Variants in MAPK10 observed in about 807,000 individuals in gnomAD.
The protein encoded by MAPK10 is JNK3 alpha protein kinase.
A neutral mutation model predicts 59.3 loss-of-function variants in MAPK10; 25 were observed. That is an observed-to-expected ratio of 0.42 (90% CI 0.31 to 0.59). MAPK10 has a LOEUF of 0.59. Among genes scored for constraint, MAPK10 ranks in the 20% least tolerant of loss-of-function variants. The pLI, the probability that MAPK10 is intolerant of heterozygous loss-of-function variation, is 0.15. For synonymous variants in MAPK10, 190 were observed against 200.5 expected, an observed-to-expected ratio of 0.95 and a Z score of 0.44; for missense variants, 351 against 568.9, an observed-to-expected ratio of 0.62 and a Z score of 3.90.
intron 2 of MAPK10, among the ~76,000 whole-genome samples, chr4:86,350,281 C>A (rs1231078014): frequency 6.6e-6 from 1 of 151,608 alleles, no homozygotes; most frequent in South Asian, 2.1e-4. Context: ...GTGGCACGAT[C>A]GCGGCTCACT....
chr4:86,068,849 G>C (rs1421529664), intron 9 of MAPK10, among the ~76,000 whole-genome samples: 1 of 152,058 alleles, frequency 6.6e-6, no homozygotes, highest in Non-Finnish European at 1.5e-5. Flanking sequence ...CCTTGATAAT[G>C]ATAAACACCA....
chr4:86,280,364 C>T (rs2094750903), intron 2 of MAPK10, among the ~76,000 whole-genome samples: 2 of 152,164 alleles, frequency 1.3e-5, no homozygotes, highest in African/African-American at 4.8e-5. Context: ...CTCCACATCA[C>T]TAATCATCAG....
At chr4:86,581,899 TTATATATATATA>T (rs67303972) in intron 1 of MAPK10, among the ~76,000 whole-genome samples, 5,973 of 91,376 alleles carry the variant, frequency 0.065, 288 homozygotes, top group African/African-American at 0.1. Context: ...GCTATATATA[TTATATATATATA>T]TATATATATA....
chr4:86,240,534 G>C (rs2092647549), intron 2 of MAPK10, among the ~76,000 whole-genome samples: 1 of 152,116 alleles, frequency 6.6e-6, no homozygotes, highest in Non-Finnish European at 1.5e-5. Context: ...CCTGTATTGG[G>C]TGCATACATA....
intron 2 of MAPK10, among the ~76,000 whole-genome samples, chr4:86,267,307 C>T (rs188430006): frequency 9.2e-5 from 14 of 152,218 alleles, no homozygotes; most frequent in South Asian, 4.1e-4. Flanking sequence ...TCAAAAGCCA[C>T]GTAAATGTAA....
At chr4:86,410,658 C>T (rs1321379771) in intron 1 of MAPK10, among the ~76,000 whole-genome samples, 1 of 152,108 alleles carries the variant, frequency 6.6e-6, no homozygotes, top group Non-Finnish European at 1.5e-5. Context: ...GGAATTTATC[C>T]ATTTCTTCTA....
At chr4:86,427,031 G>A (rs1284407260) in intron 1 of MAPK10, among the ~76,000 whole-genome samples, 1 of 151,934 alleles carries the variant, frequency 6.6e-6, no homozygotes, top group African/African-American at 2.4e-5. Flanking sequence ...GCTGAGGCGG[G>A]CAGATCACGA....
chr4:86,021,179 G>T (rs1178662379), intron 13 of MAPK10, among the ~76,000 whole-genome samples: 1 of 149,278 alleles, frequency 6.7e-6, no homozygotes, highest in East Asian at 2.0e-4. Context: ...CTAAACACAG[G>T]GTGCTGATTG....
intron 2 of MAPK10, among the ~76,000 whole-genome samples, chr4:86,222,721 AT>A (rs1218535731): frequency 6.6e-6 from 1 of 152,218 alleles, no homozygotes; most frequent in Non-Finnish European, 1.5e-5. Flanking sequence ...GTGGAAGTCC[AT>A]TTTGTTCTTG....
chr4:86,344,624 G>A (rs1438194230), intron 2 of MAPK10, among the ~76,000 whole-genome samples: 1 of 151,906 alleles, frequency 6.6e-6, no homozygotes, highest in Non-Finnish European at 1.5e-5. Flanking sequence ...AAGTGAGGGA[G>A]TGAGGGAGGG....
rs1413478685 is a variant in MAPK10, at chr4:86,220,765, C to T, written c.-6-26358G>A. 2.0e-5 allele frequency among the ~76,000 whole-genome samples: 3 copies of T among 152,160 alleles called. No individual in the cohort carries two copies. The East Asian group carries it at 5.8e-4, about 29-fold the overall frequency. On this transcript the variant is annotated intron_variant, in intron 2 of 13. Transcript: ENST00000641462. ...TAATATATTTGTATGGCGTTTCTAA[C>T]TAGCATTTTAGCATTTGGATCAAGG...
Position 86,353,984 on chromosome 4 carries a change from G to A in MAPK10, c.-7+546C>T, listed in dbSNP as rs1478674983. On this transcript the variant is annotated intron_variant, in intron 2 of 13. Coordinates refer to ENST00000641462, the MANE Select transcript of MAPK10 (RefSeq NM_138982.4). ...TTTAAAGTCATTCCAACTAGGCAGA[G>A]CAACTGTATCTATTTTTAACATTGC... Among the ~76,000 whole-genome samples the A allele has an allele frequency of 2.0e-5, 3 of 152,252 alleles. No homozygotes were observed. In the East Asian group the frequency reaches 5.8e-4, roughly 29 times the overall value.
intron 1 of MAPK10, among the ~76,000 whole-genome samples, chr4:86,515,202 G>C (rs1246698668): frequency 6.6e-6 from 1 of 152,096 alleles, no homozygotes; most frequent in Non-Finnish European, 1.5e-5. Flanking sequence ...AAATAGCTGA[G>C]TAGTATTCCA....
chr4:86,521,968 T>C (rs1410392769), intron 1 of MAPK10, among the ~76,000 whole-genome samples: 1 of 152,148 alleles, frequency 6.6e-6, no homozygotes, highest in Non-Finnish European at 1.5e-5. Flanking sequence ...CTCTGTGAGA[T>C]TAGGCCAGGA....
upstream of MAPK10, among the ~76,000 whole-genome samples, chr4:86,456,942 C>T (rs1297506172): frequency 2.0e-5 from 3 of 152,078 alleles, no homozygotes; most frequent in African/African-American, 7.2e-5. Flanking sequence ...AACAACACAT[C>T]CAAAAGATAA....
At chr4:86,507,655 T>TATATATATATATATAC (rs1755886619) in intron 1 of MAPK10, among the ~76,000 whole-genome samples, 10 of 71,262 alleles carry the variant, frequency 1.4e-4, no homozygotes, top group Non-Finnish European at 2.3e-4. Flanking sequence ...TATATATATA[T>TATATATATATATATAC]ATATATATAT....
At chr4:86,208,205 TA>T (rs1554094140) in intron 2 of MAPK10, among the ~76,000 whole-genome samples, 1 of 151,750 alleles carries the variant, frequency 6.6e-6, no homozygotes, top group Non-Finnish European at 1.5e-5. Context: ...TTCCAATCAA[TA>T]GAAAAAGAGG....
intron 13 of MAPK10, chr4:86,027,525 T>C (rs1234665765): frequency 6.6e-6 from 1 of 152,188 alleles, no homozygotes; most frequent in Non-Finnish European, 1.5e-5. Context: ...TTTATCTTCA[T>C]GGAGATTAAT....
intron 2 of MAPK10, among the ~76,000 whole-genome samples, chr4:86,258,102 A>G (rs936117114): frequency 6.6e-6 from 1 of 152,194 alleles, no homozygotes; most frequent in Non-Finnish European, 1.5e-5. Flanking sequence ...AACTCTGAAA[A>G]TTGGTCTGCA....
Sources: gnomAD v4.1 joint callset for allele counts (sites outside exome capture counted in the v4.1 genomes callset) on GRCh38, gnomAD v4.1.1 for gene constraint, MANE v1.5 for transcripts, NCBI Gene and HGNC (gene_info 2026-07-23, HGNC 2026-07-21) for gene names.